WWOX: variants seen among roughly 807,000 people sequenced by gnomAD.
The protein encoded by WWOX is WW domain-containing oxidoreductase.
In WWOX, 69 loss-of-function variants were observed where a neutral mutation model predicts 46.2. That is an observed-to-expected ratio of 1.49 (90% CI 1.23 to 1.82). The LOEUF (loss-of-function observed/expected upper bound fraction) is 1.82, where lower values mean the gene tolerates loss of function less well. Ranked by LOEUF, WWOX falls within the 40% of genes most tolerant of loss-of-function variation. The pLI, the probability that WWOX is intolerant of heterozygous loss-of-function variation, is 0.00. For missense variants in WWOX, 919 were observed against 542.6 expected (o/e 1.69, Z -6.89); for synonymous variants, 359 against 202.6 (o/e 1.77, Z -6.56).
intron 7 of WWOX, among the ~76,000 whole-genome samples, chr16:78,426,725 A>G (rs1347667185): frequency 2.0e-5 from 3 of 152,090 alleles, no homozygotes; most frequent in Admixed American, 2.0e-4. Context: ...GTGCAGTGGC[A>G]TGATCTCGGC....
intron 8 of WWOX, among the ~76,000 whole-genome samples, chr16:79,034,805 T>A (rs981549904): frequency 2.0e-5 from 3 of 152,218 alleles, no homozygotes; most frequent in Non-Finnish European, 2.9e-5. Flanking sequence ...TTATTCATTG[T>A]ATCACGAAAC....
chr16:78,128,597 C>T (rs73564529), intron 4 of WWOX, among the ~76,000 whole-genome samples: 618 of 152,286 alleles, frequency 4.1e-3, no homozygotes, highest in African/African-American at 0.014. Context: ...ACGGGATGCT[C>T]CTTGCTTATA....
intron 5 of WWOX, among the ~76,000 whole-genome samples, chr16:78,286,573 C>G (rs1434136153): frequency 1.3e-5 from 2 of 152,038 alleles, no homozygotes; most frequent in Admixed American, 6.6e-5. Flanking sequence ...TCGTTGGATT[C>G]TAAAACTTGA....
At position 78,614,440 on chromosome 16, in the gene WWOX, A is replaced by G. The variant is rs146597903; in HGVS notation, c.1056+181688A>G. Among the ~76,000 whole-genome samples the G allele has an allele frequency of 9.1e-4, 139 of 152,318 alleles. 1 individual carries two copies. The highest frequency in any genetic ancestry group is 3.2e-3 in the African/African-American group (132 of 41,572). ...GAGCCGGGGCCCTGAGGTATCTCCTATACTCTGGCTGGGGTGAGGGCGGCA... is the reference window on the plus strand; with the variant it reads ...GAGCCGGGGCCCTGAGGTATCTCCTGTACTCTGGCTGGGGTGAGGGCGGCA... On this transcript the variant is annotated intron_variant, in intron 8 of 8. Transcript: ENST00000566780.
intron 8 of WWOX, among the ~76,000 whole-genome samples, chr16:78,807,624 T>C (rs559696644): frequency 3.9e-5 from 6 of 152,360 alleles, no homozygotes; most frequent in Non-Finnish European, 7.3e-5. Context: ...GAGCATTTTA[T>C]GGCTTATGGA....
chr16:78,219,754 C>G (rs1295237343), intron 5 of WWOX, among the ~76,000 whole-genome samples: 2 of 152,304 alleles, frequency 1.3e-5, no homozygotes, highest in Non-Finnish European at 2.9e-5. Context: ...ACCCCAAGAA[C>G]TCACCCTGGA....
chr16:79,203,940 A>G (rs1000988887), intron 8 of WWOX: 4 of 152,326 alleles, frequency 2.6e-5, no homozygotes, highest in East Asian at 1.9e-4. Flanking sequence ...CACACACTAA[A>G]TATCTTCTTT....
intron 5 of WWOX, chr16:78,168,073 C>G (rs1437643390): frequency 6.6e-6 from 1 of 152,178 alleles, no homozygotes; most frequent in Non-Finnish European, 1.5e-5. Flanking sequence ...GGGAGGCTCT[C>G]AAAATGATCC....
At chr16:78,960,116 G>A (rs553397314) in intron 8 of WWOX, among the ~76,000 whole-genome samples, 1 of 152,182 alleles carries the variant, frequency 6.6e-6, no homozygotes, top group South Asian at 2.1e-4. Flanking sequence ...ATAAGGGGTT[G>A]TGCTGTGGCT....
At chr16:78,903,530 C>T (rs755215133) in intron 8 of WWOX, among the ~76,000 whole-genome samples, 12 of 152,182 alleles carry the variant, frequency 7.9e-5, no homozygotes, top group Non-Finnish European at 1.3e-4. Context: ...ATCTGCCCTG[C>T]AGAAAAGGTA....
intron 8 of WWOX, among the ~76,000 whole-genome samples, chr16:78,446,690 A>C (rs5019138): frequency 1.0e-5 from 1 of 98,730 alleles, no homozygotes; most frequent in Non-Finnish European, 1.8e-5. Flanking sequence ...TTGAGGTGGA[A>C]TCTCCTGTCT....
chr16:78,632,238 A>G (rs942159902), intron 8 of WWOX, among the ~76,000 whole-genome samples: 2 of 152,178 alleles, frequency 1.3e-5, no homozygotes, highest in African/African-American at 2.4e-5. Flanking sequence ...CAATGGGGTT[A>G]ATACTACTAG....
At position 78,591,885 on chromosome 16, in the gene WWOX, C is replaced by A. The variant is rs2045360441; in HGVS notation, c.1056+159133C>A. Among the ~76,000 whole-genome samples, 5 of 152,190 alleles carry A rather than the reference C, an allele frequency of 3.3e-5. No individual in the cohort carries two copies. In the South Asian group the frequency reaches 1.0e-3, roughly 32 times the overall value. ...CCTCTGTGAGCTACCACCACTGCCT[C>A]TAGTTTTCCAGAAAACCACCACTGA... On this transcript the variant is annotated intron_variant, in intron 8 of 8. Transcript: ENST00000566780.
intron 8 of WWOX, among the ~76,000 whole-genome samples, chr16:79,140,741 C>T (rs927858939): frequency 1.3e-5 from 2 of 152,192 alleles, no homozygotes; most frequent in Admixed American, 1.3e-4. Flanking sequence ...GTCTGTTAAA[C>T]ATAAGCTTTC....
intron 8 of WWOX, among the ~76,000 whole-genome samples, chr16:78,640,273 G>A (rs1416046416): frequency 8.8e-6 from 1 of 113,266 alleles, no homozygotes; most frequent in Non-Finnish European, 1.7e-5. Flanking sequence ...CGCCTATGGT[G>A]ACTTTTAGCG....
intron 8 of WWOX, among the ~76,000 whole-genome samples, chr16:78,499,569 G>T (rs1404063508): frequency 3.3e-5 from 5 of 152,226 alleles, no homozygotes; most frequent in African/African-American, 1.2e-4. Flanking sequence ...CGGTGGACGG[G>T]CTTCCTGCCT....
chr16:78,214,283 C>T (rs555159379), intron 5 of WWOX, among the ~76,000 whole-genome samples: 16 of 152,306 alleles, frequency 1.1e-4, no homozygotes, highest in East Asian at 3.9e-4. Flanking sequence ...CCTACCTGTG[C>T]GATCACTAGC....
intron 8 of WWOX, chr16:78,873,622 A>G (rs1416491280): frequency 1.3e-5 from 2 of 152,004 alleles, no homozygotes; most frequent in Non-Finnish European, 2.9e-5. Context: ...CCTCATCTCT[A>G]TAAAATATTT....
At chr16:78,753,179 A>T (rs2049529652) in intron 8 of WWOX, among the ~76,000 whole-genome samples, 1 of 152,124 alleles carries the variant, frequency 6.6e-6, no homozygotes, top group Non-Finnish European at 1.5e-5. Context: ...AGGCGCCTGT[A>T]ATCCCAGCTA....
Sources: gnomAD v4.1 joint callset for allele counts (sites outside exome capture counted in the v4.1 genomes callset) on GRCh38, gnomAD v4.1.1 for gene constraint, MANE v1.5 for transcripts, NCBI Gene and HGNC (gene_info 2026-07-23, HGNC 2026-07-21) for gene names.